The following ANKRD42 variants were observed in gnomAD, a reference collection of about 807,000 sequenced individuals.
ANKRD42 encodes ankyrin repeat domain-containing protein 42.
ANKRD42 carries 43 observed loss-of-function variants against 51.5 expected under a neutral mutation model. The ratio of observed to expected loss-of-function variants is 0.83; its 90% CI spans 0.65 to 1.08. ANKRD42 has a LOEUF of 1.08. ANKRD42 is among the 50% of genes least tolerant of loss of function. ANKRD42 has a pLI of 0.00. For synonymous variants in ANKRD42, 203 were observed against 213.0 expected (o/e 0.95, Z 0.41); for missense variants, 608 against 629.3 (o/e 0.97, Z 0.36).
At chr11:83,226,514 G>A (rs189406369) in intron 6 of ANKRD42, among the ~76,000 whole-genome samples, 1 of 152,196 alleles carries the variant, frequency 6.6e-6, no homozygotes, top group East Asian at 1.9e-4. Flanking sequence ...ACCTAGAATA[G>A]CCAAAGAATA....
intron 9 of ANKRD42, among the ~76,000 whole-genome samples, chr11:83,242,895 A>G (rs2135553382): frequency 6.6e-6 from 1 of 152,128 alleles, no homozygotes; most frequent in South Asian, 2.1e-4. Flanking sequence ...TCTTCTGTTG[A>G]TGGGCATTTA....
At chr11:83,257,114 T>G (rs996020946), downstream of ANKRD42, among the ~76,000 whole-genome samples, 2 of 152,164 alleles carry the variant, frequency 1.3e-5, no homozygotes, top group African/African-American at 4.8e-5. Flanking sequence ...TTTTTAACAC[T>G]TGCTTACGGA....
In ANKRD42 at chr11:83,239,518, A is replaced by G. The variant is rs372664462; in HGVS notation, c.1020-1241A>G. 6.6e-5 allele frequency among the ~76,000 whole-genome samples: 10 copies of G among 152,292 alleles called. No individual in the cohort carries two copies. The East Asian group carries it at 1.7e-3, about 26-fold the overall frequency. On this transcript the variant is annotated intron_variant, in intron 8 of 10. Coordinates refer to ENST00000533342, the MANE Select transcript of ANKRD42 (RefSeq NM_001300975.2). The stretch of plus-strand genomic sequence containing the variant: ...TCTTTTATGTTTTCTTTTAGAAGTT[A>G]GTGTTAGCTTTTATATTGAGGTCTG...
At chr11:83,201,330 C>A (rs945104177) in intron 2 of ANKRD42, among the ~76,000 whole-genome samples, 1 of 152,194 alleles carries the variant, frequency 6.6e-6, no homozygotes, top group African/African-American at 2.4e-5. Flanking sequence ...GACGTGAACT[C>A]ATTCTTTTTT....
chr11:83,258,903 T>C (rs1863821314), downstream of ANKRD42, among the ~76,000 whole-genome samples: 2 of 136,682 alleles, frequency 1.5e-5, no homozygotes, highest in African/African-American at 5.4e-5. Flanking sequence ...CAAAGCAGTA[T>C]GGATAGGCAG....
At chr11:83,214,835 A>G (rs139289785) in intron 5 of ANKRD42, 2 of 152,712 alleles carry the variant, frequency 1.3e-5, no homozygotes, top group East Asian at 1.9e-4. Context: ...CTTCTACTCA[A>G]TTGTATATTT....
At chr11:83,230,293 C>T (rs536664871) in intron 7 of ANKRD42, among the ~76,000 whole-genome samples, 16 of 152,172 alleles carry the variant, frequency 1.1e-4, no homozygotes, top group Admixed American at 7.2e-4. Flanking sequence ...CTCAAGTGAT[C>T]CATCCGCCTT....
At chr11:83,209,627 C>T (rs1051361872) in intron 3 of ANKRD42, 6 of 843,486 alleles carry the variant, frequency 7.1e-6, no homozygotes, top group Non-Finnish European at 1.3e-5. Flanking sequence ...ACCCAAGAAG[C>T]CAAAGAAATG....
chr11:83,216,206 A>G (rs1382688805), intron 5 of ANKRD42, among the ~76,000 whole-genome samples: 1 of 152,198 alleles, frequency 6.6e-6, no homozygotes, highest in Non-Finnish European at 1.5e-5. Flanking sequence ...CCACAGTTAC[A>G]TTATTGGAGT....
chr11:83,195,140 C>A (rs773132823), intron 1 of ANKRD42, among the ~76,000 whole-genome samples: 2 of 152,196 alleles, frequency 1.3e-5, no homozygotes, highest in Non-Finnish European at 2.9e-5. Context: ...TTCTTAAATG[C>A]AGCTTTTACC....
intron 1 of ANKRD42, among the ~76,000 whole-genome samples, chr11:83,195,874 T>G (rs937380724): frequency 6.6e-6 from 1 of 150,814 alleles, no homozygotes; most frequent in African/African-American, 2.4e-5. Flanking sequence ...AGACGGAGTC[T>G]TGCTCTGTCC....
At chr11:83,206,190 A>C (rs1565177993) in intron 3 of ANKRD42, 25 bp downstream of exon 3, 2 of 1,532,448 alleles carry the variant, frequency 1.3e-6, no homozygotes, top group Non-Finnish European at 1.8e-6. Context: ...TTTTTCAGTA[A>C]GTTCAATTAC....
rs778427623 is a variant in ANKRD42 at position 83,254,430 on chromosome 11, C to CTTTTTT, written c.1465-1411_1465-1410insTTTTTT. ...CCCCACCTGAGTGTTTTTCTTTTTT[C>CTTTTTT]TTTTCTTTTTTTTTTTTTTGAGACA... On this transcript the variant is annotated intron_variant, in intron 11 of 11. Coordinates refer to the ANKRD42 transcript ENST00000260047. Among the ~76,000 whole-genome samples the CTTTTTT allele has an allele frequency of 1.0e-4, 13 of 130,398 alleles. 1 individual carries two copies. Among genetic ancestry groups the CTTTTTT allele is most frequent in the Non-Finnish European group, 1.3e-4 (8 of 62,314 alleles). 85.5% of individuals were successfully genotyped at this position (130,398 alleles called of 152,430 possible).
intron 5 of ANKRD42, among the ~76,000 whole-genome samples, chr11:83,223,223 C>T (rs1862768876): frequency 6.6e-6 from 1 of 152,162 alleles, no homozygotes; most frequent in Non-Finnish European, 1.5e-5. Context: ...GCACTCCAGC[C>T]TGTGCAACAG....
chr11:83,205,354 T>C (rs1205631179), intron 2 of ANKRD42, among the ~76,000 whole-genome samples: 1 of 152,224 alleles, frequency 6.6e-6, no homozygotes, highest in African/African-American at 2.4e-5. Context: ...GAAAATGATA[T>C]TTACTTGATA....
At chr11:83,263,442 A>G (rs1293749057), downstream of ANKRD42, among the ~76,000 whole-genome samples, 2 of 152,132 alleles carry the variant, frequency 1.3e-5, no homozygotes, top group Non-Finnish European at 2.9e-5. Context: ...TATCCTCTAT[A>G]CCCTGTCTAG....
At chr11:83,250,477 A>T (rs1863655403), downstream of ANKRD42, among the ~76,000 whole-genome samples, 1 of 152,190 alleles carries the variant, frequency 6.6e-6, no homozygotes, top group Admixed American at 6.6e-5. Context: ...AGAAGTTGAG[A>T]GTCTTGTTAG....
At chr11:83,254,434 T>C (rs928366411) in intron 11 of ANKRD42, among the ~76,000 whole-genome samples, 6 of 126,912 alleles carry the variant, frequency 4.7e-5, no homozygotes, top group African/African-American at 1.0e-4. Flanking sequence ...TTTTTTCTTT[T>C]CTTTTTTTTT....
At chr11:83,257,229 G>C (rs1487485759), downstream of ANKRD42, 2 of 439,562 alleles carry the variant, frequency 4.5e-6, no homozygotes, top group Admixed American at 2.7e-5. Flanking sequence ...TGAGATAGAT[G>C]CAAGGGTCCA....
Sources: gnomAD v4.1 joint callset for allele counts (sites outside exome capture counted in the v4.1 genomes callset) on GRCh38, gnomAD v4.1.1 for gene constraint, MANE v1.5 for transcripts, NCBI Gene and HGNC (gene_info 2026-07-23, HGNC 2026-07-21) for gene names.